AFF3: variants seen among roughly 807,000 people sequenced by gnomAD.
AFF3 encodes the protein AF4/FMR2 family member 3.
A neutral mutation model predicts 129.7 loss-of-function variants in AFF3; 32 were observed. That is an observed-to-expected ratio of 0.25 (90% CI 0.19 to 0.33). AFF3 has a LOEUF of 0.33. Among genes scored for constraint, AFF3 ranks in the 10% least tolerant of loss-of-function variants. The pLI is 1.00. For synonymous variants in AFF3, 644 were observed against 635.4 expected (o/e 1.01, Z -0.20); for missense variants, 1,373 against 1,592.0 (o/e 0.86, Z 2.34).
At chr2:99,743,428 T>C (rs1350740384) in intron 10 of AFF3, among the ~76,000 whole-genome samples, 1 of 152,198 alleles carries the variant, frequency 6.6e-6, no homozygotes, top group African/African-American at 2.4e-5. Context: ...GTCGTGAAAC[T>C]AACAAAGCCC....
chr2:99,674,626 G>A (rs1440717594), intron 11 of AFF3, among the ~76,000 whole-genome samples: 1 of 152,160 alleles, frequency 6.6e-6, no homozygotes, highest in Non-Finnish European at 1.5e-5. Flanking sequence ...GCTGGTGGGG[G>A]TGGAAAGAGT....
chr2:99,996,764 T>G (rs1052852876), intron 7 of AFF3, among the ~76,000 whole-genome samples: 7 of 152,084 alleles, frequency 4.6e-5, no homozygotes, highest in Non-Finnish European at 1.0e-4. Context: ...GCAGCAAAAC[T>G]TCCAGAAAGA....
At chr2:100,115,574 A>G (rs536002047) in intron 2 of AFF3, among the ~76,000 whole-genome samples, 304 of 152,202 alleles carry the variant, frequency 2.0e-3, no homozygotes, top group African/African-American at 7.0e-3. Flanking sequence ...TAAAAATAAA[A>G]ATAAGTGTAT....
intron 12 of AFF3, among the ~76,000 whole-genome samples, chr2:99,655,691 C>A (rs1431355253): frequency 6.6e-6 from 1 of 152,092 alleles, no homozygotes; most frequent in Non-Finnish European, 1.5e-5. Context: ...GTGAAGCATG[C>A]ATGGGGCTTG....
At chr2:99,758,856 G>C (rs142710602) in intron 8 of AFF3, among the ~76,000 whole-genome samples, 73 of 152,230 alleles carry the variant, frequency 4.8e-4, no homozygotes, top group Admixed American at 1.4e-3. Flanking sequence ...TCCCAGTCCA[G>C]TATTTGTTTT....
chr2:99,932,531 G>C (rs1254641895), intron 7 of AFF3, among the ~76,000 whole-genome samples: 1 of 152,098 alleles, frequency 6.6e-6, no homozygotes, highest in Admixed American at 6.5e-5. Context: ...ACACTACATC[G>C]ACCACTTCCC....
chr2:99,675,336 G>A (rs76239147), intron 11 of AFF3, among the ~76,000 whole-genome samples: 164 of 152,232 alleles, frequency 1.1e-3, no homozygotes, highest in Non-Finnish European at 1.8e-3. Context: ...CAACATTCCC[G>A]GAGCAATCCT....
At chr2:99,835,530 T>C (rs1320605332) in intron 8 of AFF3, among the ~76,000 whole-genome samples, 2 of 150,250 alleles carry the variant, frequency 1.3e-5, no homozygotes, top group Admixed American at 6.7e-5. Context: ...CTGGGAACAC[T>C]AATGCGATCC....
At chr2:99,877,823 A>G (rs899632287) in intron 7 of AFF3, among the ~76,000 whole-genome samples, 1 of 152,166 alleles carries the variant, frequency 6.6e-6, no homozygotes, top group African/African-American at 2.4e-5. Flanking sequence ...AATTCACAAA[A>G]ACGTGCACTA....
chr2:99,777,947 C>CAAAAAAAAAAAAAAAA (rs576434643), intron 8 of AFF3, among the ~76,000 whole-genome samples: 53 of 48,314 alleles, frequency 1.1e-3, no homozygotes, highest in Admixed American at 2.1e-3. Flanking sequence ...AAAGCAAAAG[C>CAAAAAAAAAAAAAAAA]AAAAAAAAAA....
intron 7 of AFF3, among the ~76,000 whole-genome samples, chr2:99,923,918 C>G (rs1696041945): frequency 6.6e-6 from 1 of 152,030 alleles, no homozygotes; most frequent in African/African-American, 2.4e-5. Context: ...TCAATACCTA[C>G]CTATAAAAGA....
At chr2:99,910,165 T>C (rs1695015992) in intron 7 of AFF3, among the ~76,000 whole-genome samples, 1 of 152,216 alleles carries the variant, frequency 6.6e-6, no homozygotes, top group Non-Finnish European at 1.5e-5. Flanking sequence ...ATTCGCTAAA[T>C]ATTAATTCTA....
intron 7 of AFF3, among the ~76,000 whole-genome samples, chr2:99,897,648 C>T (rs1260914796): frequency 2.0e-5 from 3 of 152,220 alleles, no homozygotes; most frequent in Non-Finnish European, 2.9e-5. Flanking sequence ...GTTCTAACTT[C>T]CTTCCAGTTC....
At chr2:99,622,471 T>A (rs1365138364) in intron 13 of AFF3, among the ~76,000 whole-genome samples, 1 of 152,068 alleles carries the variant, frequency 6.6e-6, no homozygotes, top group African/African-American at 2.4e-5. Flanking sequence ...GAGGGAGTGG[T>A]AAGAAAAAGA....
chr2:99,756,581 G>A (rs1682117458), intron 8 of AFF3, among the ~76,000 whole-genome samples: 1 of 152,166 alleles, frequency 6.6e-6, no homozygotes, highest in Non-Finnish European at 1.5e-5. Context: ...AGTTCCATCA[G>A]TATCTCACTG....
intron 7 of AFF3, among the ~76,000 whole-genome samples, chr2:99,997,370 C>A (rs988636955): frequency 1.3e-5 from 2 of 152,140 alleles, no homozygotes; most frequent in Non-Finnish European, 2.9e-5. Flanking sequence ...CTCAGTTCCT[C>A]TGTCTGCCAA....
intron 11 of AFF3, among the ~76,000 whole-genome samples, chr2:99,692,283 T>C (rs984843714): frequency 6.6e-5 from 10 of 152,194 alleles, no homozygotes; most frequent in African/African-American, 2.4e-4. Context: ...GATTTGGCCC[T>C]TGTTGAGCTC....
intron 7 of AFF3, among the ~76,000 whole-genome samples, chr2:99,845,895 C>T (rs6741907): frequency 0.51 from 76,726 of 151,606 alleles, 20,058 homozygotes; most frequent in East Asian, 0.66. Flanking sequence ...TGCAGTGGTG[C>T]GATCTCAGCT....
intron 7 of AFF3, among the ~76,000 whole-genome samples, chr2:99,957,752 G>T (rs559463367): frequency 6.6e-6 from 1 of 152,266 alleles, no homozygotes; most frequent in Non-Finnish European, 1.5e-5. Flanking sequence ...GGAGTTCACT[G>T]AATGTGTGGA....
Sources: gnomAD v4.1 joint callset for allele counts (sites outside exome capture counted in the v4.1 genomes callset) on GRCh38, gnomAD v4.1.1 for gene constraint, MANE v1.5 for transcripts, NCBI Gene and HGNC (gene_info 2026-07-23, HGNC 2026-07-21) for gene names.